Variants in JAM2 observed in about 807,000 individuals in gnomAD.
JAM2 encodes junctional adhesion molecule 2.
JAM2 carries 17 observed loss-of-function variants against 42.0 expected under a neutral mutation model. The observed-to-expected ratio is 0.40, with a 90% CI of 0.28 to 0.61. The LOEUF is 0.61. JAM2 is among the 20% of genes least tolerant of loss of function. The probability of loss-of-function intolerance (pLI) is 0.37; values close to 1 mark genes in which losing one functional copy is unlikely to be tolerated. For synonymous variants in JAM2, 118 were observed against 128.6 expected (o/e 0.92, Z 0.56); for missense variants, 319 against 358.3 (o/e 0.89, Z 0.89).
At chr21:25,682,920 A>G (rs4817053) in intron 1 of JAM2, among the ~76,000 whole-genome samples, 7,328 of 151,722 alleles carry the variant, frequency 0.048, 204 homozygotes, top group Middle Eastern at 0.099. Flanking sequence ...CTCCTCATCT[A>G]TCTTTCTTTG....
intron 2 of JAM2, among the ~76,000 whole-genome samples, chr21:25,689,471 G>A (rs554044904): frequency 3.3e-5 from 5 of 152,320 alleles, no homozygotes; most frequent in African/African-American, 1.2e-4. Flanking sequence ...TCTTCTACCA[G>A]ATGGTAGACT....
intron 2 of JAM2, among the ~76,000 whole-genome samples, chr21:25,689,503 A>G (rs1420658042): frequency 1.3e-5 from 2 of 152,216 alleles, no homozygotes; most frequent in Non-Finnish European, 2.9e-5. Context: ...GACACTGGGA[A>G]TAATAAGACA....
At chr21:25,692,542 C>T (rs542336271) in intron 3 of JAM2, 1 of 184,570 alleles carries the variant, frequency 5.4e-6, no homozygotes. Flanking sequence ...CTGATATGGG[C>T]AAGACCACCT....
rs548810054 is a variant in JAM2, at chr21:25,661,123, G to A, written c.67+21235G>A. Among the ~76,000 whole-genome samples the A allele has an allele frequency of 2.0e-5, 3 of 152,022 alleles. No homozygotes were observed. In the East Asian group the frequency reaches 5.8e-4, roughly 29 times the overall value. On this transcript the variant is annotated intron_variant, in intron 1 of 9. Coordinates refer to ENST00000480456, the MANE Select transcript of JAM2 (RefSeq NM_021219.4). ...CTATTCTTATATTCCTGTACTATTT[G>A]GAATGGTTTCTGATTTTACTTAAAT...
At chr21:25,683,790 T>G (rs180937772) in intron 1 of JAM2, 93 bp from the exon 2 acceptor site, 1 of 866,310 alleles carries the variant, frequency 1.2e-6, no homozygotes, top group East Asian at 2.7e-5. Flanking sequence ...CACCAAACTT[T>G]AGGACAGTTT....
intron 1 of JAM2, among the ~76,000 whole-genome samples, chr21:25,659,516 T>C (rs376962603): frequency 6.6e-6 from 1 of 152,210 alleles, no homozygotes; most frequent in Non-Finnish European, 1.5e-5. Context: ...TTAGTTTCCA[T>C]AGGAACAGGA....
At chr21:25,706,133 G>A in intron 7 of JAM2, 47 bp downstream of exon 7, 5 of 1,178,448 alleles carry the variant, frequency 4.2e-6, no homozygotes, top group South Asian at 3.7e-5. Context: ...CTATGGCTAT[G>A]GAGTTTATTT....
chr21:25,658,287 G>A (rs1214755429), intron 1 of JAM2, among the ~76,000 whole-genome samples: 1 of 152,126 alleles, frequency 6.6e-6, no homozygotes, highest in Non-Finnish European at 1.5e-5. Context: ...TGTAGAACCA[G>A]AGAAATCATG....
intron 1 of JAM2, among the ~76,000 whole-genome samples, chr21:25,680,015 G>T (rs2033591564): frequency 6.6e-6 from 1 of 152,126 alleles, no homozygotes; most frequent in Non-Finnish European, 1.5e-5. Flanking sequence ...AGTACAAATG[G>T]TACCCTGCCA....
chr21:25,698,809 T>G lies in JAM2; in HGVS notation c.527T>G (p.Leu176Arg), dbSNP rs747100590. The change falls in exon 5 of 10, where the codon CTA becomes CGA. Residue 176 changes from leucine (L) to arginine (R), a missense_variant. Physicochemically the swap from Leu to Arg is moderately radical, Grantham distance 102. Coordinates refer to ENST00000480456, the MANE Select transcript of JAM2 (RefSeq NM_021219.4). ...YTWFKDGIRLLENPRLGSQST... is the reference protein window; with the variant it reads ...YTWFKDGIRLRENPRLGSQST... Reference sequence around the variant, plus strand: ...TGGTTTAAGGATGGCATCCGTTTGCTAGAAAATCCCAGACTTGGCTCCCAA... The same window carrying G: ...TGGTTTAAGGATGGCATCCGTTTGCGAGAAAATCCCAGACTTGGCTCCCAA... The G allele has an allele frequency of 6.2e-7, 1 of 1,614,192 alleles. No individual in the cohort carries two copies. The highest frequency in any genetic ancestry group is 8.5e-7 in the Non-Finnish European group (1 of 1,180,022).
At chr21:25,666,809 C>T (rs866952315) in intron 1 of JAM2, among the ~76,000 whole-genome samples, 3 of 152,208 alleles carry the variant, frequency 2.0e-5, no homozygotes, top group South Asian at 2.1e-4. Context: ...GGATTACAGG[C>T]ATGAGCCATT....
intron 1 of JAM2, among the ~76,000 whole-genome samples, chr21:25,657,179 A>G (rs536341104): frequency 6.6e-6 from 1 of 152,044 alleles, no homozygotes; most frequent in South Asian, 2.1e-4. Flanking sequence ...GCCTGTGCTA[A>G]TTTATTTATT....
chr21:25,694,680 AAAAT>A (rs1176440203), intron 4 of JAM2, among the ~76,000 whole-genome samples: 1 of 152,066 alleles, frequency 6.6e-6, no homozygotes, highest in Non-Finnish European at 1.5e-5. Context: ...TCTCTAAAAA[AAAAT>A]AAATAAAAAG....
rs146185678 is a variant in JAM2, at chr21:25,694,642, G to A, written c.394+734G>A. On this transcript the variant is annotated intron_variant, in intron 4 of 9. Coordinates refer to ENST00000480456, the MANE Select transcript of JAM2 (RefSeq NM_021219.4). ...GTCAGGGAGATTGAGACCAGCCTGG[G>A]CAGCATAGTGAGTCCCCTATATCGC... Among the ~76,000 whole-genome samples, 454 of 152,028 alleles carry A rather than the reference G, an allele frequency of 3.0e-3. 2 individuals are homozygous for A. The highest frequency in any genetic ancestry group is 5.3e-3 in the Non-Finnish European group (362 of 67,972).
chr21:25,711,744 G>T (rs180859612), intron 8 of JAM2, among the ~76,000 whole-genome samples: 3,311 of 151,726 alleles, frequency 0.022, 125 homozygotes, highest in African/African-American at 0.076. Flanking sequence ...GTAATTGGAA[G>T]GTTTTGAGCA....
intron 1 of JAM2, among the ~76,000 whole-genome samples, chr21:25,647,495 A>G (rs2032648216): frequency 6.6e-6 from 1 of 152,236 alleles, no homozygotes. Context: ...TATTTATGTT[A>G]GTAATTAAGG....
At chr21:25,698,311 T>C (rs2034085285) in intron 4 of JAM2, among the ~76,000 whole-genome samples, 1 of 152,226 alleles carries the variant, frequency 6.6e-6, no homozygotes, top group African/African-American at 2.4e-5. Flanking sequence ...GTCACCATTG[T>C]TGTTGACACC....
At chr21:25,712,525 A>C (rs1267036172) in intron 9 of JAM2, 143 bp downstream of exon 9, 54 of 598,540 alleles carry the variant, frequency 9.0e-5, no homozygotes, top group Non-Finnish European at 3.5e-5. Context: ...AAAGGAGCTA[A>C]GTAGATGTTA....
intron 6 of JAM2, among the ~76,000 whole-genome samples, chr21:25,703,717 T>G (rs564354258): frequency 6.6e-6 from 1 of 152,070 alleles, no homozygotes; most frequent in East Asian, 1.9e-4. Context: ...GTTTAGTTCC[T>G]TTTCTTTCAG....
Sources: allele counts gnomAD v4.1 joint callset (sites outside exome capture counted in the v4.1 genomes callset), GRCh38; gene constraint gnomAD v4.1.1; transcripts MANE v1.5; gene names NCBI Gene and HGNC (gene_info 2026-07-23, HGNC 2026-07-21).